The following GRIN2D variants were observed in gnomAD, a reference collection of about 807,000 sequenced individuals.
The protein encoded by GRIN2D is glutamate ionotropic receptor NMDA type subunit 2D, also known as glutamate receptor ionotropic, NMDA 2D.
GRIN2D carries 37 observed loss-of-function variants against 103.2 expected under a neutral mutation model. The observed-to-expected ratio is 0.36, with a 90% CI of 0.28 to 0.47. The LOEUF is 0.47. Ranked by LOEUF, GRIN2D falls within the 20% of genes least tolerant of loss-of-function variation. The probability of loss-of-function intolerance (pLI) is 1.00; values close to 1 mark genes in which losing one functional copy is unlikely to be tolerated. For missense variants in GRIN2D, 1,557 were observed against 1,910.6 expected, an observed-to-expected ratio of 0.81 and a Z score of 3.45; for synonymous variants, 845 against 885.6, an observed-to-expected ratio of 0.95 and a Z score of 0.81.
chr19:48,422,067 T>C, intron 11 of GRIN2D, 122 bp downstream of exon 11: 3 of 935,340 alleles, frequency 3.2e-6, no homozygotes, highest in Non-Finnish European at 4.8e-6. Context: ...GTGGGTCAGC[T>C]TGGAGGGCGG....
chr19:48,398,158 CTCTG>C (rs1970665400), intron 2 of GRIN2D, among the ~76,000 whole-genome samples: 1 of 151,666 alleles, frequency 6.6e-6, no homozygotes, highest in Non-Finnish European at 1.5e-5. Flanking sequence ...TTCTCTCTCC[CTCTG>C]TCTCTCTCCC....
rs773669453 is a variant in GRIN2D, at chr19:48,402,723, C to CAAAA, written c.466-1990_466-1987dup. 2.9e-3 allele frequency among the ~76,000 whole-genome samples: 124 copies of CAAAA among 43,132 alleles called. 11 individuals are homozygous for CAAAA. The highest frequency in any genetic ancestry group is 9.0e-3 in the African/African-American group (112 of 12,408). The allele number at this position is 43,132 out of a possible 152,430, so 28.3% of individuals were successfully genotyped here. On this transcript the variant is annotated intron_variant, in intron 3 of 13. Transcript: ENST00000263269. ...TGGGCGACAGAGCAAGACTCCGTCT[C>CAAAA]AAAAAAAAAAAAAAAAAAAAAAAAG...
At chr19:48,438,168 G>A (rs1361738266) in intron 11 of GRIN2D, among the ~76,000 whole-genome samples, 1 of 151,876 alleles carries the variant, frequency 6.6e-6, no homozygotes, top group African/African-American at 2.4e-5. Flanking sequence ...GGGTTTTTCT[G>A]AAGGTTTGGG....
Position 48,442,496 on chromosome 19 carries a change from G to A in GRIN2D, c.2674-104G>A, listed in dbSNP as rs1247733092. On this transcript the variant is annotated intron_variant, in intron 13 of 13. Transcript: ENST00000263269. This position sits in a 1 kb window ranked among gnomAD's most constrained non-coding sequence, Gnocchi z 7.2. ...AGATGTGGATAGTGGGGAAGAGAGCGGGAAACACAGGCGGGTAAATGGAGA... is the reference window on the plus strand; with the variant it reads ...AGATGTGGATAGTGGGGAAGAGAGCAGGAAACACAGGCGGGTAAATGGAGA... 4.0e-6 allele frequency: 6 copies of A among 1,505,390 alleles called. No individual in the cohort carries two copies. Among genetic ancestry groups the A allele is most frequent in the Non-Finnish European group, 3.5e-6 (4 of 1,128,554 alleles). The allele number at this position is 1,505,390 out of a possible 1,614,324, so 93.3% of individuals were successfully genotyped here. A position where few individuals can be genotyped will look rare whatever the true frequency, so the allele number is the denominator to read the frequency against.
At chr19:48,420,156 C>T (rs758308838) in intron 10 of GRIN2D, among the ~76,000 whole-genome samples, 6 of 152,074 alleles carry the variant, frequency 3.9e-5, no homozygotes, top group African/African-American at 7.2e-5. Flanking sequence ...AGGCTGGGCG[C>T]GGTGGCTCAC....
intron 11 of GRIN2D, among the ~76,000 whole-genome samples, chr19:48,426,224 C>CTTTCTTTTTTTTTTTTTTTT (rs1555893889): frequency 1.7e-5 from 2 of 120,116 alleles, no homozygotes; most frequent in African/African-American, 7.2e-5. Flanking sequence ...TTCTTTCTTT[C>CTTTCTTTTTTTTTTTTTTTT]TTTTTTTTTT....
At chr19:48,435,843 A>G (rs181850908) in intron 11 of GRIN2D, among the ~76,000 whole-genome samples, 1 of 152,378 alleles carries the variant, frequency 6.6e-6, no homozygotes, top group Non-Finnish European at 1.5e-5. Context: ...TCCCTGCCTC[A>G]TGGAACTTAA....
intron 4 of GRIN2D, among the ~76,000 whole-genome samples, chr19:48,411,564 G>A (rs1041156225): frequency 1.3e-5 from 2 of 151,722 alleles, no homozygotes; most frequent in Non-Finnish European, 2.9e-5. Flanking sequence ...CAGGAGAATC[G>A]CTTGGACCTG....
chr19:48,414,622 C>A lies in GRIN2D; in HGVS notation c.1412+38C>A. The A allele has an allele frequency of 6.5e-7, 1 of 1,532,068 alleles. No homozygotes were observed. The highest frequency in any genetic ancestry group is 8.8e-7 in the Non-Finnish European group (1 of 1,131,480). The allele number at this position is 1,532,068 out of a possible 1,614,324, so 94.9% of individuals were successfully genotyped here. A position where few individuals can be genotyped will look rare whatever the true frequency, so the allele number is the denominator to read the frequency against. On this transcript the variant is annotated intron_variant, in intron 6 of 13. Transcript: ENST00000263269. The surrounding 1 kb of genome is among the most constrained non-coding windows in gnomAD (Gnocchi z 4.6). The stretch of plus-strand genomic sequence containing the variant: ...GATCCAGGAGTTCCGGCTCCAAAAC[C>A]CGCCTCCCGTGAAGCCCAGTAGTCT...
chr19:48,410,077 G>C lies in GRIN2D; in HGVS notation c.1086-3914G>C, dbSNP rs146630584. Among the ~76,000 whole-genome samples the C allele has an allele frequency of 6.7e-4, 101 of 151,518 alleles. 2 individuals are homozygous for C. The East Asian group carries it at 0.019, about 28-fold the overall frequency. The stretch of plus-strand genomic sequence containing the variant: ...TGGGATTACAGGCGTGAACCACTGC[G>C]CCCAGCCTGGACTTGATTCTGAGAG... On this transcript the variant is annotated intron_variant, in intron 4 of 13. Transcript: ENST00000263269.
In GRIN2D at chr19:48,393,986, C is replaced by A. The variant is rs276717; in HGVS notation, c.-306+118C>A. Among the ~76,000 whole-genome samples the A allele has an allele frequency of 0.23, 34,565 of 151,834 alleles. 4,347 individuals carry two copies. Among genetic ancestry groups the A allele is most frequent in the African/African-American group, 0.31 (12,796 of 41,386 alleles). ...TCTGTCTGTACCGACCCTGAGCTGCCTGCCTGGGTGTCGTGGGGCTCCCGC... is the reference window on the plus strand; with the variant it reads ...TCTGTCTGTACCGACCCTGAGCTGCATGCCTGGGTGTCGTGGGGCTCCCGC... On this transcript the variant is annotated intron_variant, in intron 1 of 13. Coordinates refer to ENST00000263269, the MANE Select transcript of GRIN2D (RefSeq NM_000836.4). The surrounding 1 kb of genome is among the most constrained non-coding windows in gnomAD (Gnocchi z 5.6).
At chr19:48,419,097 T>C in intron 8 of GRIN2D, 137 bp from the exon 9 acceptor site, 1 of 641,792 alleles carries the variant, frequency 1.6e-6, no homozygotes, top group Non-Finnish European at 2.5e-6. Context: ...CAGTCTGGTC[T>C]TGAACTCCAG....
intron 3 of GRIN2D, among the ~76,000 whole-genome samples, chr19:48,401,935 A>G (rs1323269884): frequency 6.6e-6 from 1 of 152,030 alleles, no homozygotes; most frequent in Non-Finnish European, 1.5e-5. Flanking sequence ...ACCTCCCTCT[A>G]CTAAAAATAC....
At chr19:48,423,525 AT>A (rs901739889) in intron 11 of GRIN2D, among the ~76,000 whole-genome samples, 1 of 152,124 alleles carries the variant, frequency 6.6e-6, no homozygotes, top group African/African-American at 2.4e-5. Flanking sequence ...AGGAGGTGAC[AT>A]TTGTGCAGAG....
chr19:48,416,360 TTCA>T (rs1398287876), intron 8 of GRIN2D, among the ~76,000 whole-genome samples: 3 of 152,188 alleles, frequency 2.0e-5, no homozygotes, highest in Non-Finnish European at 4.4e-5. Flanking sequence ...CAGAAGACAT[TTCA>T]TCAAGAGGCT....
chr19:48,418,059 A>G (rs1239890059), intron 8 of GRIN2D, among the ~76,000 whole-genome samples: 3 of 140,190 alleles, frequency 2.1e-5, no homozygotes, highest in Non-Finnish European at 3.0e-5. Flanking sequence ...TTTGAGACAG[A>G]GTCTTGCTCT....
At chr19:48,409,085 T>G (rs1970824369) in intron 4 of GRIN2D, among the ~76,000 whole-genome samples, 1 of 151,816 alleles carries the variant, frequency 6.6e-6, no homozygotes, top group Non-Finnish European at 1.5e-5. Flanking sequence ...TTCAGCATCA[T>G]TACATGAGGG....
intron 11 of GRIN2D, among the ~76,000 whole-genome samples, chr19:48,439,802 G>A (rs1600995283): frequency 6.6e-6 from 1 of 152,192 alleles, no homozygotes; most frequent in Non-Finnish European, 1.5e-5. Flanking sequence ...AATTAGCCAG[G>A]CGTGGTGGCA....
intron 2 of GRIN2D, among the ~76,000 whole-genome samples, chr19:48,395,867 G>C (rs1020680477): frequency 5.3e-5 from 8 of 151,988 alleles, no homozygotes; most frequent in South Asian, 2.1e-4. Flanking sequence ...CTGGACTCTT[G>C]GTTCCTGCAG....
Sources: gnomAD v4.1 joint callset for allele counts (sites outside exome capture counted in the v4.1 genomes callset) on GRCh38, gnomAD v4.1.1 for gene constraint, Gnocchi (gnomAD v3.1) non-coding constraint, MANE v1.5 for transcripts, NCBI Gene and HGNC (gene_info 2026-07-23, HGNC 2026-07-21) for gene names.